UGGT2: variants seen among roughly 807,000 people sequenced by gnomAD.
The protein encoded by UGGT2 is UDP-glucose:glycoprotein glucosyltransferase 2.
Under a neutral mutation model 192.1 loss-of-function variants are expected in UGGT2, and 180 were observed. The observed-to-expected ratio is 0.94, with a 90% CI of 0.83 to 1.06. UGGT2 has a LOEUF of 1.06. Among genes scored for constraint, UGGT2 ranks in the 50% least tolerant of loss-of-function variants. The pLI is 0.00. For missense variants in UGGT2, 1,849 were observed against 1,795.7 expected, an observed-to-expected ratio of 1.03 and a Z score of -0.54; for synonymous variants, 580 against 591.0, an observed-to-expected ratio of 0.98 and a Z score of 0.27.
intron 29 of UGGT2, among the ~76,000 whole-genome samples, chr13:95,867,973 T>C (rs562265383): frequency 1.3e-5 from 2 of 152,246 alleles, no homozygotes; most frequent in South Asian, 4.2e-4. Context: ...AGTTTTTTTC[T>C]CCCATTTTCA....
intron 38 of UGGT2, among the ~76,000 whole-genome samples, chr13:95,826,008 T>G (rs1886004844): frequency 6.6e-6 from 1 of 151,990 alleles, no homozygotes; most frequent in Non-Finnish European, 1.5e-5. Flanking sequence ...GATGCTTCAA[T>G]ATTAGAAAAA....
intron 29 of UGGT2, among the ~76,000 whole-genome samples, chr13:95,870,844 T>C (rs1891156053): frequency 6.6e-6 from 1 of 152,182 alleles, no homozygotes; most frequent in African/African-American, 2.4e-5. Flanking sequence ...TGATTATAGG[T>C]GATGAGGCTC....
intron 38 of UGGT2, among the ~76,000 whole-genome samples, chr13:95,814,643 C>T (rs993898878): frequency 6.6e-6 from 1 of 152,172 alleles, no homozygotes; most frequent in African/African-American, 2.4e-5. Flanking sequence ...TCCCAATAGT[C>T]TCCTAAAGTC....
chr13:95,905,741 G>T (rs2048268066), intron 20 of UGGT2, among the ~76,000 whole-genome samples: 1 of 152,142 alleles, frequency 6.6e-6, no homozygotes, highest in Admixed American at 6.5e-5. Flanking sequence ...GATGCCTCCA[G>T]CTTTGTTCTT....
intron 33 of UGGT2, among the ~76,000 whole-genome samples, chr13:95,857,390 T>G (rs1454349186): frequency 6.6e-6 from 1 of 152,072 alleles, no homozygotes; most frequent in African/African-American, 2.4e-5. Context: ...GGCTTGTATT[T>G]TAGAGGAAGT....
chr13:95,986,539 T>C, intron 8 of UGGT2, 107 bp from the exon 9 acceptor site: 13 of 754,916 alleles, frequency 1.7e-5, no homozygotes, highest in Non-Finnish European at 2.5e-5. Flanking sequence ...AGTATTAGTA[T>C]ACAAACATGT....
chr13:95,899,144 A>G (rs972578544), intron 22 of UGGT2, among the ~76,000 whole-genome samples: 2 of 152,212 alleles, frequency 1.3e-5, no homozygotes, highest in Admixed American at 6.5e-5. Flanking sequence ...CAGAGCAACA[A>G]GGAGCCATCC....
At chr13:95,902,826 A>T in intron 21 of UGGT2, 28 bp downstream of exon 21, 1 of 1,585,150 alleles carries the variant, frequency 6.3e-7, no homozygotes, top group East Asian at 2.2e-5. Context: ...CAATACATAC[A>T]TATTTAATAT....
chr13:95,885,314 T>C (rs2047614139), intron 26 of UGGT2, among the ~76,000 whole-genome samples: 1 of 152,214 alleles, frequency 6.6e-6, no homozygotes, highest in Admixed American at 6.5e-5. Flanking sequence ...AGCTGTGCTG[T>C]AGTTCTCTCA....
chr13:95,977,464 T>C (rs2050975029), intron 10 of UGGT2, among the ~76,000 whole-genome samples: 1 of 151,910 alleles, frequency 6.6e-6, no homozygotes, highest in African/African-American at 2.4e-5. Flanking sequence ...TCATTATCAC[T>C]AGAGAAATGC....
chr13:95,914,041 A>ATTGGACACAGGGCC (rs1373482158), intron 20 of UGGT2, among the ~76,000 whole-genome samples: 1 of 151,804 alleles, frequency 6.6e-6, no homozygotes, highest in Non-Finnish European at 1.5e-5. Flanking sequence ...AATGAGATCA[A>ATTGGACACAGGGCC]TTGGACACAG....
At chr13:95,832,024 A>G (rs1886753967) in intron 38 of UGGT2, among the ~76,000 whole-genome samples, 1 of 149,436 alleles carries the variant, frequency 6.7e-6, no homozygotes, top group African/African-American at 2.5e-5. Flanking sequence ...CACCAAGAAA[A>G]CTTTTTTTTT....
intron 17 of UGGT2, among the ~76,000 whole-genome samples, chr13:95,931,369 G>C (rs959951413): frequency 6.6e-6 from 1 of 152,142 alleles, no homozygotes; most frequent in African/African-American, 2.4e-5. Context: ...GAGCCCAGGG[G>C]CTTCACCTAG....
chr13:95,972,807 T>C (rs56377514), intron 10 of UGGT2, 136 bp from the exon 11 acceptor site: 13,196 of 609,490 alleles, frequency 0.022, 207 homozygotes, highest in Non-Finnish European at 0.031. Flanking sequence ...TCTGTTGCAA[T>C]TATTGATCTC....
chr13:95,833,197 G>C, intron 37 of UGGT2, 144 bp from the exon 38 acceptor site: 1 of 804,660 alleles, frequency 1.2e-6, no homozygotes, highest in East Asian at 2.9e-5. Context: ...CACAGGATCA[G>C]GTGAAATGAT....
chr13:95,987,270 T>G (rs1768501336), intron 8 of UGGT2, among the ~76,000 whole-genome samples: 1 of 152,152 alleles, frequency 6.6e-6, no homozygotes, highest in Admixed American at 6.6e-5. Context: ...ATCCTAGAAT[T>G]ATCTTTGACT....
At chr13:95,931,040 T>C (rs989456472) in intron 17 of UGGT2, among the ~76,000 whole-genome samples, 1 of 152,174 alleles carries the variant, frequency 6.6e-6, no homozygotes, top group Non-Finnish European at 1.5e-5. Flanking sequence ...TTTATTCCCT[T>C]ATCTGGCCCC....
chr13:96,007,510 T>C (rs1465668455), intron 5 of UGGT2, among the ~76,000 whole-genome samples: 1 of 151,972 alleles, frequency 6.6e-6, no homozygotes, highest in Non-Finnish European at 1.5e-5. Flanking sequence ...AGAAGTAAAA[T>C]TACCCTGGTT....
chr13:95,953,831 A>T (rs1228034375), intron 12 of UGGT2, among the ~76,000 whole-genome samples: 1 of 152,162 alleles, frequency 6.6e-6, no homozygotes, highest in African/African-American at 2.4e-5. Flanking sequence ...TTAAAGAATA[A>T]AGAGGTCAGT....
Sources: gnomAD v4.1 joint callset for allele counts (sites outside exome capture counted in the v4.1 genomes callset) on GRCh38, gnomAD v4.1.1 for gene constraint, MANE v1.5 for transcripts, NCBI Gene and HGNC (gene_info 2026-07-23, HGNC 2026-07-21) for gene names.